TNS1: variants seen among roughly 807,000 people sequenced by gnomAD.
TNS1 encodes the protein tensin-1.
Under a neutral mutation model 168.6 loss-of-function variants are expected in TNS1, and 62 were observed. That is an observed-to-expected ratio of 0.37 (90% CI 0.30 to 0.45). The LOEUF (loss-of-function observed/expected upper bound fraction) is 0.45, where lower values mean the gene tolerates loss of function less well. TNS1 is among the 20% of genes least tolerant of loss of function. The pLI is 1.00. For synonymous variants in TNS1, 934 were observed against 933.2 expected, an observed-to-expected ratio of 1.00 and a Z score of -0.02; for missense variants, 2,240 against 2,339.4, an observed-to-expected ratio of 0.96 and a Z score of 0.88.
At chr2:217,819,783 T>C (rs761310820) in intron 23 of TNS1, among the ~76,000 whole-genome samples, 25 of 152,208 alleles carry the variant, frequency 1.6e-4, no homozygotes, top group Non-Finnish European at 5.9e-5. Context: ...ACAGGGGCCT[T>C]ACATAAACTA....
upstream of TNS1, among the ~76,000 whole-genome samples, chr2:218,003,385 A>G (rs567984573): frequency 2.1e-3 from 314 of 152,160 alleles, no homozygotes; most frequent in African/African-American, 7.2e-3. Flanking sequence ...CCCCAGGCCC[A>G]CACAATCAGC....
chr2:217,837,455 A>T (rs1427531568), intron 19 of TNS1, among the ~76,000 whole-genome samples: 2 of 152,226 alleles, frequency 1.3e-5, no homozygotes, highest in Admixed American at 6.5e-5. Flanking sequence ...CTACGGGCAG[A>T]CACACACTTA....
In TNS1 at chr2:217,813,884, T is replaced by TC. The variant is rs1941435176; in HGVS notation, c.4730-69dup. ...CGGTGGCGCTAGTTTTACTTAAGTC[T>TC]CATTGAGCCTACCGACCTTCGTTCT... On this transcript the variant is annotated intron_variant, in intron 25 of 32. Transcript: ENST00000682258. The surrounding 1 kb of genome is among the most constrained non-coding windows in gnomAD (Gnocchi z 4.0). 1 of 1,480,946 alleles carries TC rather than the reference T, an allele frequency of 6.8e-7. No homozygotes were observed. Among genetic ancestry groups the TC allele is most frequent in the Non-Finnish European group, 9.0e-7 (1 of 1,115,156 alleles). The allele number at this position is 1,480,946 out of a possible 1,614,324, so 91.7% of individuals were successfully genotyped here.
In TNS1 at chr2:217,801,217, T is replaced by C. The variant is rs1937436200; in HGVS notation, c.*3242A>G. 6.6e-6 allele frequency: 1 copy of C among 152,298 alleles called. No individual in the cohort carries two copies. Among genetic ancestry groups the C allele is most frequent in the Admixed American group, 6.5e-5 (1 of 15,288 alleles). The allele number at this position is 152,298 out of a possible 1,614,324, so 9.4% of individuals were successfully genotyped here. ...AAATAAGAGAGCCAGAACACCGTGA[T>C]AGCAGGCTGATCAAACCGCTCACTT... On this transcript the variant is annotated 3_prime_UTR_variant, in exon 33 of 33. Coordinates refer to ENST00000682258, the MANE Select transcript of TNS1 (RefSeq NM_001387777.1).
rs147171878 is a variant in TNS1, at chr2:217,897,914, C to T, written c.427G>A (p.Val143Ile). The T allele has an allele frequency of 5.2e-5, 84 of 1,613,296 alleles. No individual in the cohort carries two copies. In the African/African-American group the frequency reaches 5.9e-4, roughly 11 times the overall value. ...GAGACAGCGATGATCCTCTCTGTGA[C>T]GTACACCAGGTCCAGCTCACAGCTG... is the stretch of plus-strand genomic sequence containing the variant. ...EDSCELDLVYVTERIIAVSFP... is the reference protein window; with the variant it reads ...EDSCELDLVYITERIIAVSFP... The change falls in exon 8 of 33, where the codon GTC becomes ATC. Residue 143 changes from valine to isoleucine, a missense_variant. By Grantham distance (29) the Val-to-Ile change is conservative. Transcript: ENST00000682258.
At chr2:217,929,348 G>A (rs889837359) in intron 3 of TNS1, among the ~76,000 whole-genome samples, 2 of 152,180 alleles carry the variant, frequency 1.3e-5, no homozygotes, top group African/African-American at 4.8e-5. Context: ...ACACTAGGCC[G>A]GACTTCTTAG....
chr2:217,910,713 T>TACACACACACACACACAC, intron 4 of TNS1, among the ~76,000 whole-genome samples: 1 of 106,842 alleles, frequency 9.4e-6, no homozygotes, highest in South Asian at 3.5e-4. Flanking sequence ...CACATACACA[T>TACACACACACACACACAC]ACACACACAC....
intron 22 of TNS1, among the ~76,000 whole-genome samples, chr2:217,823,576 C>T (rs1276950337): frequency 1.3e-5 from 2 of 152,196 alleles, no homozygotes; most frequent in African/African-American, 4.8e-5. Context: ...AGAGGCCTCT[C>T]TAGACCCCGG....
At chr2:217,836,318 G>A in intron 19 of TNS1, 107 bp from the exon 20 acceptor site, 1 of 1,119,112 alleles carries the variant, frequency 8.9e-7, no homozygotes, top group Non-Finnish European at 1.2e-6. Flanking sequence ...CAGAGGCCAT[G>A]CTGGGGCTCG....
chr2:217,959,179 C>T (rs1483522319), intron 3 of TNS1, among the ~76,000 whole-genome samples: 3 of 152,192 alleles, frequency 2.0e-5, no homozygotes, highest in African/African-American at 7.2e-5. Context: ...GCCTCAGTTT[C>T]CCCCTCCTCC....
At chr2:217,919,720 AG>A (rs1205178670) in intron 4 of TNS1, among the ~76,000 whole-genome samples, 3 of 152,220 alleles carry the variant, frequency 2.0e-5, no homozygotes, top group African/African-American at 2.4e-5. Flanking sequence ...GGAAATGGAA[AG>A]GGAGCAGAAA....
intron 3 of TNS1, among the ~76,000 whole-genome samples, chr2:217,973,663 C>T (rs1957824625): frequency 1.3e-5 from 2 of 152,190 alleles, no homozygotes; most frequent in South Asian, 2.1e-4. Flanking sequence ...AGAATCACAT[C>T]GAAGGCCCCT....
intron 3 of TNS1, among the ~76,000 whole-genome samples, chr2:217,946,458 T>C (rs1420053443): frequency 6.6e-6 from 1 of 152,206 alleles, no homozygotes; most frequent in East Asian, 1.9e-4. Context: ...GATGAAGAGA[T>C]GGATGGATGG....
intron 22 of TNS1, among the ~76,000 whole-genome samples, chr2:217,829,069 G>T (rs6728970): frequency 0.018 from 2,752 of 152,220 alleles, 97 homozygotes; most frequent in African/African-American, 0.063. Flanking sequence ...GCACAGGGCA[G>T]CACCCACAAC....
intron 4 of TNS1, among the ~76,000 whole-genome samples, chr2:217,916,231 C>T (rs1371990752): frequency 6.6e-6 from 1 of 152,078 alleles, no homozygotes; most frequent in Non-Finnish European, 1.5e-5. Flanking sequence ...CCCATGGTGT[C>T]CCCCTGCAAT....
chr2:217,991,075 A>G lies in TNS1; in HGVS notation c.34-19T>C. 1.5e-6 allele frequency: 1 copy of G among 651,182 alleles called. No individual in the cohort carries two copies. Among genetic ancestry groups the G allele is most frequent in the Non-Finnish European group, 2.9e-6 (1 of 350,692 alleles). The allele number at this position is 651,182 out of a possible 1,614,324, so 40.3% of individuals were successfully genotyped here. On this transcript the variant is annotated intron_variant, in intron 1 of 32. Coordinates refer to ENST00000682258, the MANE Select transcript of TNS1 (RefSeq NM_001387777.1). ...CCTCTGGCTGTGGGAGGAGAGGCAC[A>G]GAGTCAGCCCTGGGTAGAAGGCTGG...
At chr2:217,856,432 C>T (rs1948146225) in intron 18 of TNS1, among the ~76,000 whole-genome samples, 1 of 152,224 alleles carries the variant, frequency 6.6e-6, no homozygotes, top group Non-Finnish European at 1.5e-5. Context: ...AGCTTCCCTT[C>T]CCACAGACAG....
chr2:217,866,161 T>C (rs1195744020), intron 18 of TNS1, among the ~76,000 whole-genome samples: 1 of 152,154 alleles, frequency 6.6e-6, no homozygotes, highest in East Asian at 1.9e-4. Flanking sequence ...AGCCACGGTG[T>C]AACAAACAGA....
At position 217,810,272 on chromosome 2, in the gene TNS1, C is replaced by A; in HGVS notation, c.5080G>T (p.Ala1694Ser). The A allele has an allele frequency of 6.2e-7, 1 of 1,614,118 alleles. No individual in the cohort carries two copies. The highest frequency in any genetic ancestry group is 8.5e-7 in the Non-Finnish European group (1 of 1,180,024). Residue 1694 changes from alanine to serine, a missense_variant, in exon 29 of 33, where the codon GCA becomes TCA. Around this residue, in one of 2 missense-constraint regions of TNS1, gnomAD observed 2,131 missense variants for 2,171.2 expected, o/e 0.98. Transcript: ENST00000682258. ...KDSSGPANST[A>S]DLLKQGAACN... Reference sequence around the variant, plus strand: ...CCTGCCCCTTGTTTCAGCAGGTCTGCAGTTGAGTTGGCAGGGCCGGAGCTA... The same window carrying A: ...CCTGCCCCTTGTTTCAGCAGGTCTGAAGTTGAGTTGGCAGGGCCGGAGCTA...
Sources: gnomAD v4.1 joint callset for allele counts (sites outside exome capture counted in the v4.1 genomes callset) on GRCh38, gnomAD v4.1.1 for gene constraint, gnomAD v4.1.1 regional missense constraint, Gnocchi (gnomAD v3.1) non-coding constraint, MANE v1.5 for transcripts, NCBI Gene and HGNC (gene_info 2026-07-23, HGNC 2026-07-21) for gene names.